The following FMN2 variants were observed in gnomAD, a reference collection of about 807,000 sequenced individuals.
The protein encoded by FMN2 is formin 2.
Under a neutral mutation model 142.3 loss-of-function variants are expected in FMN2, and 51 were observed. That is an observed-to-expected ratio of 0.36 (90% CI 0.29 to 0.45). The LOEUF (loss-of-function observed/expected upper bound fraction) is 0.45. Among genes scored for constraint, FMN2 ranks in the 20% least tolerant of loss-of-function variants. The pLI is 1.00. For missense variants in FMN2, 1,936 were observed against 2,122.8 expected, an observed-to-expected ratio of 0.91 and a Z score of 1.73; for synonymous variants, 882 against 869.8, an observed-to-expected ratio of 1.01 and a Z score of -0.25.
At chr1:240,381,588 C>T (rs1299296110) in intron 14 of FMN2, among the ~76,000 whole-genome samples, 1 of 152,072 alleles carries the variant, frequency 6.6e-6, no homozygotes, top group Non-Finnish European at 1.5e-5. Context: ...CGCCACCATG[C>T]CCAACTAATT....
chr1:240,264,449 G>A (rs1236144160), intron 7 of FMN2, among the ~76,000 whole-genome samples: 1 of 152,032 alleles, frequency 6.6e-6, no homozygotes, highest in African/African-American at 2.4e-5. Flanking sequence ...TGCTACATAG[G>A]TATATACATG....
intron 16 of FMN2, among the ~76,000 whole-genome samples, chr1:240,438,984 T>C (rs1346179730): frequency 6.6e-6 from 1 of 152,012 alleles, no homozygotes; most frequent in Non-Finnish European, 1.5e-5. Context: ...AAAACTTACA[T>C]CCTGTGAGCC....
chr1:240,375,191 C>T lies in FMN2; in HGVS notation c.4859-17320C>T, dbSNP rs1315718288. Reference sequence around the variant, plus strand: ...TGCCCCAGAACAATTTTAATAAATACATCAAAGATCACTGATCACAGATCA... The same window carrying T: ...TGCCCCAGAACAATTTTAATAAATATATCAAAGATCACTGATCACAGATCA... On this transcript the variant is annotated intron_variant, in intron 14 of 17. Coordinates refer to ENST00000319653, the MANE Select transcript of FMN2 (RefSeq NM_020066.5). Among the ~76,000 whole-genome samples, 4 of 151,974 alleles carry T rather than the reference C, an allele frequency of 2.6e-5. No homozygotes were observed. In the East Asian group the frequency reaches 5.8e-4, roughly 22 times the overall value.
chr1:240,406,451 C>T (rs917366611), intron 15 of FMN2, among the ~76,000 whole-genome samples: 26 of 152,152 alleles, frequency 1.7e-4, no homozygotes, highest in African/African-American at 6.0e-4. Context: ...CTGTTAAGAT[C>T]GCGCTCTGAG....
At chr1:240,275,886 C>A (rs1572144994) in intron 7 of FMN2, among the ~76,000 whole-genome samples, 1 of 152,132 alleles carries the variant, frequency 6.6e-6, no homozygotes, top group South Asian at 2.1e-4. Context: ...GCATACATGT[C>A]TTCTTTTGAG....
At chr1:240,281,754 A>T (rs1669403152) in intron 7 of FMN2, among the ~76,000 whole-genome samples, 1 of 143,862 alleles carries the variant, frequency 7.0e-6, no homozygotes, top group African/African-American at 2.6e-5. Context: ...AATATCACTC[A>T]TTTTTTGGTA....
intron 2 of FMN2, among the ~76,000 whole-genome samples, chr1:240,150,550 G>T (rs1663718855): frequency 6.6e-6 from 1 of 152,168 alleles, no homozygotes; most frequent in African/African-American, 2.4e-5. Flanking sequence ...TGAGACTAAA[G>T]TCCAGCTAAA....
chr1:240,365,221 A>G (rs1244853610), intron 14 of FMN2, among the ~76,000 whole-genome samples: 1 of 130,918 alleles, frequency 7.6e-6, no homozygotes, highest in Non-Finnish European at 1.6e-5. Context: ...ATATACACAC[A>G]GACACACATA....
chr1:240,378,585 A>G (rs1310483393), intron 14 of FMN2, among the ~76,000 whole-genome samples: 1 of 152,232 alleles, frequency 6.6e-6, no homozygotes, highest in Non-Finnish European at 1.5e-5. Flanking sequence ...TTCTGGGACT[A>G]AAATGATACA....
chr1:240,392,596 G>A (rs769706120), intron 15 of FMN2, 34 bp downstream of exon 15: 43 of 1,543,320 alleles, frequency 2.8e-5, no homozygotes, highest in Middle Eastern at 1.7e-4. Flanking sequence ...CCAGAATAGC[G>A]TTATAACATG....
intron 4 of FMN2, among the ~76,000 whole-genome samples, chr1:240,198,146 A>G (rs16839632): frequency 0.062 from 9,464 of 152,252 alleles, 338 homozygotes; most frequent in African/African-American, 0.074. Context: ...ATTACTTGAG[A>G]CAATTAAGGG....
At chr1:240,165,925 C>T (rs1037024102) in intron 2 of FMN2, among the ~76,000 whole-genome samples, 93 of 151,926 alleles carry the variant, frequency 6.1e-4, no homozygotes, top group African/African-American at 2.2e-3. Flanking sequence ...CAGTCCCTTT[C>T]CCCGGATAAT....
chr1:240,258,347 G>A (rs750473884), intron 7 of FMN2, among the ~76,000 whole-genome samples: 5 of 152,186 alleles, frequency 3.3e-5, no homozygotes, highest in Admixed American at 6.5e-5. Flanking sequence ...CACAGTTCTA[G>A]GAGGCTGAAA....
At chr1:240,468,143 T>C (rs1676680934) in intron 16 of FMN2, among the ~76,000 whole-genome samples, 1 of 152,148 alleles carries the variant, frequency 6.6e-6, no homozygotes, top group Admixed American at 6.6e-5. Context: ...GGGTGAAATC[T>C]TGATTCACAA....
In FMN2 at chr1:240,334,167, C is replaced by T; in HGVS notation, c.4703C>T (p.Ala1568Val). The T allele has an allele frequency of 6.2e-7, 1 of 1,608,922 alleles. No homozygotes were observed. Among genetic ancestry groups the T allele is most frequent in the East Asian group, 2.2e-5 (1 of 44,756 alleles). The change falls in exon 13 of 18, where the codon GCC (alanine) becomes GTC (valine). Residue 1568 changes from alanine to valine, a missense_variant. Ala to Val is a moderately conservative substitution (Grantham distance 64). Coordinates refer to ENST00000319653, the MANE Select transcript of FMN2 (RefSeq NM_020066.5). ...PLPEPQDLFQ[A>V]SQMKFEDFQK... is the part of the protein sequence containing the mutation. Reference sequence around the variant, plus strand: ...CCAGAACCCCAGGACCTTTTTCAGGCCTCACAGATGAAGTTTGAAGATTTT... The same window carrying T: ...CCAGAACCCCAGGACCTTTTTCAGGTCTCACAGATGAAGTTTGAAGATTTT...
At chr1:240,321,171 A>C (rs1027322687) in intron 8 of FMN2, among the ~76,000 whole-genome samples, 3 of 151,400 alleles carry the variant, frequency 2.0e-5, no homozygotes, top group African/African-American at 7.3e-5. Flanking sequence ...TTTTTCATTG[A>C]ACACCATTTC....
chr1:240,205,756 C>T (rs746985435), intron 4 of FMN2, among the ~76,000 whole-genome samples: 28 of 151,170 alleles, frequency 1.9e-4, no homozygotes, highest in Admixed American at 1.3e-3. Context: ...CCACCACGCC[C>T]GGCCAATGCC....
At chr1:240,383,743 A>G (rs966393106) in intron 14 of FMN2, among the ~76,000 whole-genome samples, 25 of 152,262 alleles carry the variant, frequency 1.6e-4, no homozygotes, top group African/African-American at 5.1e-4. Flanking sequence ...ATTGCTTGGT[A>G]TCTACCCAAA....
chr1:240,273,912 A>T (rs1315532636), intron 7 of FMN2, among the ~76,000 whole-genome samples: 4 of 152,134 alleles, frequency 2.6e-5, no homozygotes, highest in Admixed American at 2.6e-4. Flanking sequence ...GTACTTTCAT[A>T]TGAATGTTAG....
Sources: gnomAD v4.1 joint callset for allele counts (sites outside exome capture counted in the v4.1 genomes callset) on GRCh38, gnomAD v4.1.1 for gene constraint, MANE v1.5 for transcripts, NCBI Gene and HGNC (gene_info 2026-07-23, HGNC 2026-07-21) for gene names.